Variants in LRBA observed in about 807,000 individuals in gnomAD.
The protein encoded by LRBA is lipopolysaccharide-responsive and beige-like anchor protein.
A neutral mutation model predicts 330.0 loss-of-function variants in LRBA; 176 were observed. The ratio of observed to expected loss-of-function variants is 0.53; its 90% CI spans 0.47 to 0.60. LRBA has a LOEUF of 0.60. Among genes scored for constraint, LRBA ranks in the 20% least tolerant of loss-of-function variants. LRBA has a pLI of 0.00. For missense variants in LRBA, 3,259 were observed against 3,444.8 expected, an observed-to-expected ratio of 0.95 and a Z score of 1.35; for synonymous variants, 1,230 against 1,193.0, an observed-to-expected ratio of 1.03 and a Z score of -0.64.
At chr4:150,724,905 C>CATATATATATGTATATATAT (rs1729468514) in intron 36 of LRBA, among the ~76,000 whole-genome samples, 1 of 143,142 alleles carries the variant, frequency 7.0e-6, no homozygotes, top group Non-Finnish European at 1.5e-5. Flanking sequence ...TATATATATA[C>CATATATATATGTATATATAT]ACACACACAC....
At chr4:150,989,187 G>C (rs887331822) in intron 2 of LRBA, among the ~76,000 whole-genome samples, 1 of 151,772 alleles carries the variant, frequency 6.6e-6, no homozygotes, top group African/African-American at 2.4e-5. Flanking sequence ...TGTATTGTTA[G>C]TAGAGATGGG....
chr4:150,298,778 A>G (rs1729284478), intron 53 of LRBA, among the ~76,000 whole-genome samples: 1 of 152,092 alleles, frequency 6.6e-6, no homozygotes, highest in African/African-American at 2.4e-5. Flanking sequence ...CCACCTTTCA[A>G]TCAAATCAAA....
intron 40 of LRBA, among the ~76,000 whole-genome samples, chr4:150,519,998 A>C (rs1762754550): frequency 6.6e-6 from 1 of 152,176 alleles, no homozygotes; most frequent in African/African-American, 2.4e-5. Flanking sequence ...TCAAGTCCCT[A>C]ATCAAATCTT....
chr4:150,462,498 C>T (rs1048923184), intron 44 of LRBA, among the ~76,000 whole-genome samples: 1 of 151,618 alleles, frequency 6.6e-6, no homozygotes, highest in Admixed American at 6.6e-5. Context: ...TACACTGCTC[C>T]ATTCAGACTT....
At chr4:150,858,415 T>C (rs967501907) in intron 22 of LRBA, among the ~76,000 whole-genome samples, 4 of 151,838 alleles carry the variant, frequency 2.6e-5, no homozygotes, top group Non-Finnish European at 2.9e-5. Flanking sequence ...TTAAATTTGA[T>C]AAAAACACAC....
At chr4:150,694,019 G>C (rs1022439790) in intron 36 of LRBA, among the ~76,000 whole-genome samples, 5 of 151,992 alleles carry the variant, frequency 3.3e-5, no homozygotes, top group Non-Finnish European at 5.9e-5. Flanking sequence ...CTCTTTTAAA[G>C]ACTTTTAAAA....
intron 37 of LRBA, among the ~76,000 whole-genome samples, chr4:150,681,832 T>C (rs1783080504): frequency 6.6e-6 from 1 of 152,086 alleles, no homozygotes. Context: ...AATAATAGAG[T>C]TGATACCTTA....
intron 53 of LRBA, among the ~76,000 whole-genome samples, chr4:150,294,053 T>C (rs1332915033): frequency 1.3e-5 from 2 of 152,220 alleles, no homozygotes; most frequent in Non-Finnish European, 2.9e-5. Context: ...AGTAGTTAAG[T>C]TTCTGGGGAG....
intron 42 of LRBA, among the ~76,000 whole-genome samples, chr4:150,482,989 T>C (rs1757463561): frequency 6.6e-6 from 1 of 152,068 alleles, no homozygotes; most frequent in African/African-American, 2.4e-5. Flanking sequence ...TCTTAAGAGT[T>C]GGCATTTCAA....
chr4:150,624,153 T>G (rs1412393080), intron 37 of LRBA, among the ~76,000 whole-genome samples: 1 of 152,180 alleles, frequency 6.6e-6, no homozygotes, highest in Non-Finnish European at 1.5e-5. Context: ...GTGACAACTA[T>G]GAACTAACTG....
At chr4:150,491,484 A>C (rs1193960844) in intron 40 of LRBA, among the ~76,000 whole-genome samples, 1 of 152,116 alleles carries the variant, frequency 6.6e-6, no homozygotes, top group African/African-American at 2.4e-5. Context: ...ATACATTATA[A>C]TACAAATATA....
intron 22 of LRBA, among the ~76,000 whole-genome samples, chr4:150,859,164 T>C (rs924478615): frequency 1.3e-5 from 2 of 152,180 alleles, no homozygotes; most frequent in Non-Finnish European, 2.9e-5. Context: ...TTAAGGACTT[T>C]ATCCTCAAAT....
At chr4:151,011,647 G>T (rs971065678) in intron 2 of LRBA, among the ~76,000 whole-genome samples, 1 of 150,108 alleles carries the variant, frequency 6.7e-6, no homozygotes, top group Non-Finnish European at 1.5e-5. Flanking sequence ...AAATATTTAC[G>T]TGTAGCAGTA....
rs2407548 is a variant in LRBA, at chr4:150,929,372, T to G, written c.217-307A>C. ...AAATCAACTCTACAATTGCTTCTCA[T>G]CCAGTCTTTCATTTATGAAGTATCA... On this transcript the variant is annotated intron_variant, in intron 2 of 56. Coordinates refer to ENST00000651943, the MANE Select transcript of LRBA (RefSeq NM_001364905.1). Among the ~76,000 whole-genome samples, 106,803 of 152,132 alleles carry G rather than the reference T, an allele frequency of 0.7. 43,384 individuals carry two copies. Among genetic ancestry groups the G allele is most frequent in the Non-Finnish European group, 0.91 (61,935 of 68,008 alleles).
At chr4:150,579,390 C>A (rs1212793238) in intron 40 of LRBA, 1 of 453,442 alleles carries the variant, frequency 2.2e-6, no homozygotes. Flanking sequence ...AGAAAGAGAA[C>A]CAGCAAGAGG....
chr4:150,650,280 T>C (rs930255883), intron 37 of LRBA, among the ~76,000 whole-genome samples: 13 of 152,156 alleles, frequency 8.5e-5, no homozygotes, highest in Non-Finnish European at 4.4e-5. Context: ...AATATTAACA[T>C]GTGGACATCT....
At chr4:150,746,194 G>A (rs6841158) in intron 35 of LRBA, among the ~76,000 whole-genome samples, 122,245 of 152,126 alleles carry the variant, frequency 0.8, 51,370 homozygotes, top group Non-Finnish European at 0.94. Flanking sequence ...CATGTGTTTT[G>A]TAAAAATATT....
chr4:150,378,473 G>T (rs1033726855), intron 47 of LRBA, among the ~76,000 whole-genome samples: 1 of 152,184 alleles, frequency 6.6e-6, no homozygotes, highest in African/African-American at 2.4e-5. Flanking sequence ...TAATTTCAAA[G>T]ATGTTAATTG....
intron 35 of LRBA, among the ~76,000 whole-genome samples, chr4:150,755,219 T>A (rs1449292533): frequency 1.3e-5 from 2 of 152,232 alleles, no homozygotes; most frequent in East Asian, 3.8e-4. Context: ...TAGATGAATT[T>A]TGAAGACAGA....
Sources: gnomAD v4.1 joint callset for allele counts (sites outside exome capture counted in the v4.1 genomes callset) on GRCh38, gnomAD v4.1.1 for gene constraint, MANE v1.5 for transcripts, NCBI Gene and HGNC (gene_info 2026-07-23, HGNC 2026-07-21) for gene names.